Variants in RSU1 observed in about 807,000 individuals in gnomAD.
The protein encoded by RSU1 is Ras suppressor protein 1.
In RSU1, 26 loss-of-function variants were observed where a neutral mutation model predicts 31.1. That is an observed-to-expected ratio of 0.84 (90% confidence interval 0.61 to 1.16). The LOEUF (loss-of-function observed/expected upper bound fraction) is 1.16. Ranked by LOEUF, RSU1 falls within the 50% of genes most tolerant of loss-of-function variation. The probability of loss-of-function intolerance (pLI) is 0.00; values close to 1 mark genes in which losing one functional copy is unlikely to be tolerated. For missense variants in RSU1, 320 were observed against 339.1 expected (o/e 0.94, Z 0.44); for synonymous variants, 164 against 136.3 (o/e 1.20, Z -1.41).
intron 7 of RSU1, among the ~76,000 whole-genome samples, chr10:16,736,685 A>C (rs1330810257): frequency 6.6e-6 from 1 of 152,164 alleles, no homozygotes; most frequent in Non-Finnish European, 1.5e-5. Flanking sequence ...TAAGAGGAAA[A>C]AAGTGGCTTA....
chr10:16,691,647 G>A (rs1198476143), intron 8 of RSU1, among the ~76,000 whole-genome samples: 4 of 149,630 alleles, frequency 2.7e-5, no homozygotes, highest in African/African-American at 9.8e-5. Flanking sequence ...GCCCCTAAAA[G>A]CAGCTGTTAT....
intron 8 of RSU1, among the ~76,000 whole-genome samples, chr10:16,652,392 CAAAAAAA>C (rs71505091): frequency 1.1e-5 from 1 of 89,158 alleles, no homozygotes; most frequent in Non-Finnish European, 2.2e-5. Context: ...TGCCCCAAAG[CAAAAAAA>C]AAAAAAAAAA....
intron 5 of RSU1, among the ~76,000 whole-genome samples, chr10:16,754,399 A>G (rs1837040327): frequency 2.0e-5 from 3 of 152,230 alleles, no homozygotes. Context: ...CAATAAGAGT[A>G]CTTTTTAAAA....
chr10:16,790,339 A>T (rs570397884), intron 2 of RSU1, among the ~76,000 whole-genome samples: 6 of 152,256 alleles, frequency 3.9e-5, no homozygotes, highest in African/African-American at 1.4e-4. Flanking sequence ...CCTCTAAAAA[A>T]TGTCCTGGTT....
At chr10:16,660,926 G>A (rs1834877801) in intron 8 of RSU1, among the ~76,000 whole-genome samples, 1 of 152,054 alleles carries the variant, frequency 6.6e-6, no homozygotes, top group Non-Finnish European at 1.5e-5. Context: ...GGGATTACAG[G>A]TGTGAGCCAC....
Position 16,677,100 on chromosome 10 carries a change from A to C in RSU1, c.731+17923T>G, listed in dbSNP as rs191214331. On this transcript the variant is annotated intron_variant, in intron 8 of 8. Transcript: ENST00000345264. ...ATGTACATTCCCCTAAACTTCATAC[A>C]CTGGCTTCCCTTTGAGGGTATCAAC... 2.1e-4 allele frequency among the ~76,000 whole-genome samples: 32 copies of C among 152,290 alleles called. 1 individual carries two copies. In the East Asian group the frequency reaches 5.6e-3, roughly 27 times the overall value.
intron 2 of RSU1, among the ~76,000 whole-genome samples, chr10:16,808,760 A>C (rs777755408): frequency 2.6e-5 from 4 of 152,178 alleles, no homozygotes; most frequent in Non-Finnish European, 5.9e-5. Flanking sequence ...AAATACCTCA[A>C]CATGTGACTA....
At chr10:16,778,185 T>G (rs958522373) in intron 3 of RSU1, among the ~76,000 whole-genome samples, 1 of 151,888 alleles carries the variant, frequency 6.6e-6, no homozygotes, top group Non-Finnish European at 1.5e-5. Context: ...TTTTAAGAGA[T>G]GGGGTCTTGC....
chr10:16,679,179 C>A (rs1054849075), intron 8 of RSU1, among the ~76,000 whole-genome samples: 1 of 152,086 alleles, frequency 6.6e-6, no homozygotes, highest in Non-Finnish European at 1.5e-5. Context: ...CTCCAGACCC[C>A]AGAATGGTCT....
At chr10:16,615,227 TG>T (rs1833955905) in intron 8 of RSU1, among the ~76,000 whole-genome samples, 1 of 148,816 alleles carries the variant, frequency 6.7e-6, no homozygotes, top group African/African-American at 2.5e-5. Flanking sequence ...AAGCAGGGGT[TG>T]CAATTCTAGT....
At chr10:16,664,491 C>G (rs1043677212) in intron 8 of RSU1, among the ~76,000 whole-genome samples, 3 of 152,228 alleles carry the variant, frequency 2.0e-5, no homozygotes, top group African/African-American at 7.2e-5. Flanking sequence ...ATTGCTGCAT[C>G]TAAGACAACA....
chr10:16,726,302 T>C (rs1356550072), intron 7 of RSU1, among the ~76,000 whole-genome samples: 1 of 150,070 alleles, frequency 6.7e-6, no homozygotes, highest in Non-Finnish European at 1.5e-5. Context: ...AGAGTCTTGC[T>C]CTGTCACCAG....
At chr10:16,673,149 A>G (rs1470692890) in intron 8 of RSU1, among the ~76,000 whole-genome samples, 1 of 152,200 alleles carries the variant, frequency 6.6e-6, no homozygotes, top group Non-Finnish European at 1.5e-5. Context: ...CTTTGACCCC[A>G]TTGAAATGCT....
chr10:16,617,276 A>T (rs1276532076), intron 8 of RSU1, among the ~76,000 whole-genome samples: 1 of 152,190 alleles, frequency 6.6e-6, no homozygotes, highest in Non-Finnish European at 1.5e-5. Flanking sequence ...TCCACCTTAC[A>T]AGGGATGTGA....
intron 8 of RSU1, among the ~76,000 whole-genome samples, chr10:16,657,859 G>A (rs574633983): frequency 6.6e-6 from 1 of 152,256 alleles, no homozygotes; most frequent in Admixed American, 6.5e-5. Context: ...CAGATGTGGT[G>A]CACACTTGTG....
chr10:16,655,207 T>G (rs931948928), intron 8 of RSU1, among the ~76,000 whole-genome samples: 1 of 152,162 alleles, frequency 6.6e-6, no homozygotes, highest in Non-Finnish European at 1.5e-5. Context: ...TATAATTCTC[T>G]CTCAAATGAA....
Position 16,641,000 on chromosome 10 carries a change from C to G in RSU1, c.732-47504G>C, listed in dbSNP as rs118121297. 2.2e-3 allele frequency among the ~76,000 whole-genome samples: 332 copies of G among 152,310 alleles called. 7 individuals are homozygous for G. The East Asian group carries it at 0.034, about 16-fold the overall frequency. The stretch of plus-strand genomic sequence containing the variant: ...AGGCTTGTAGTATCATTGTTCCCAC[C>G]ATGGCCACCATTAAAGTCAGGCTCT... On this transcript the variant is annotated intron_variant, in intron 8 of 8. Coordinates refer to ENST00000345264, the MANE Select transcript of RSU1 (RefSeq NM_012425.4).
intron 8 of RSU1, among the ~76,000 whole-genome samples, chr10:16,651,620 G>T (rs376958177): frequency 6.6e-6 from 1 of 152,124 alleles, no homozygotes; most frequent in Non-Finnish European, 1.5e-5. Flanking sequence ...TACAAGGCAA[G>T]GTAGAACAAA....
intron 2 of RSU1, among the ~76,000 whole-genome samples, chr10:16,801,303 T>C (rs1838151330): frequency 6.6e-6 from 1 of 152,186 alleles, no homozygotes; most frequent in Non-Finnish European, 1.5e-5. Flanking sequence ...AAAAGGGTAT[T>C]ACATGACGAT....
Sources: allele counts gnomAD v4.1 joint callset (sites outside exome capture counted in the v4.1 genomes callset), GRCh38; gene constraint gnomAD v4.1.1; transcripts MANE v1.5; gene names NCBI Gene and HGNC (gene_info 2026-07-23, HGNC 2026-07-21).